MAML2: variants seen among roughly 807,000 people sequenced by gnomAD.
The protein encoded by MAML2 is mastermind like transcriptional coactivator 2.
A neutral mutation model predicts 96.1 loss-of-function variants in MAML2; 22 were observed. The observed-to-expected ratio is 0.23, with a 90% CI of 0.16 to 0.33. The LOEUF is 0.33. MAML2 is among the 10% of genes least tolerant of loss of function. MAML2 has a pLI of 1.00. For missense variants in MAML2, 1,367 were observed against 1,392.4 expected, an observed-to-expected ratio of 0.98 and a Z score of 0.29; for synonymous variants, 561 against 521.3, an observed-to-expected ratio of 1.08 and a Z score of -1.04.
chr11:96,102,699 G>C (rs1320938236), intron 1 of MAML2, among the ~76,000 whole-genome samples: 1 of 152,118 alleles, frequency 6.6e-6, no homozygotes, highest in Non-Finnish European at 1.5e-5. Flanking sequence ...ATAACCAATA[G>C]GATGACCCTA....
chr11:96,153,911 CAATA>C lies in MAML2; in HGVS notation c.514-60398_514-60395del, dbSNP rs59318960. Among the ~76,000 whole-genome samples, 209 of 138,034 alleles carry C rather than the reference CAATA, an allele frequency of 1.5e-3. 1 individual carries two copies. Among genetic ancestry groups the C allele is most frequent in the Middle Eastern group, 7.8e-3 (2 of 258 alleles). The allele number at this position is 138,034 out of a possible 152,430, so 90.6% of individuals were successfully genotyped here. ...TGGACAACAGAGCAAGACTCCGTCT[CAATA>C]AATAAATAAATAAATAAATAAATAA... On this transcript the variant is annotated intron_variant, in intron 1 of 4. Coordinates refer to ENST00000524717, the MANE Select transcript of MAML2 (RefSeq NM_032427.4).
At chr11:96,157,889 A>G (rs1861037627) in intron 1 of MAML2, among the ~76,000 whole-genome samples, 1 of 152,168 alleles carries the variant, frequency 6.6e-6, no homozygotes, top group African/African-American at 2.4e-5. Context: ...TGATAATTTA[A>G]GATTACATTT....
rs536318499 is a variant in MAML2 at position 96,112,159 on chromosome 11, A to G, written c.514-18642T>C. 2.0e-5 allele frequency among the ~76,000 whole-genome samples: 3 copies of G among 152,370 alleles called. No individual in the cohort carries two copies. In the South Asian group the frequency reaches 6.2e-4, roughly 32 times the overall value. On this transcript the variant is annotated intron_variant, in intron 1 of 4. Transcript: ENST00000524717. ...AACAGAAGCATCAGTGGATGCTTCC[A>G]TCGGATAGGGCACTCTATACATAAC...
intron 2 of MAML2, among the ~76,000 whole-genome samples, chr11:96,002,278 T>C (rs867471242): frequency 1.6e-4 from 24 of 152,208 alleles, no homozygotes; most frequent in Middle Eastern, 3.4e-3. Flanking sequence ...GAAGAAGCAA[T>C]GTGAAGGAAA....
At chr11:96,120,595 A>G (rs1257418770) in intron 1 of MAML2, among the ~76,000 whole-genome samples, 2 of 152,212 alleles carry the variant, frequency 1.3e-5, no homozygotes, top group African/African-American at 4.8e-5. Context: ...GCTTTTGGAT[A>G]ATTATATCAT....
At chr11:96,177,695 C>T (rs1186793007) in intron 1 of MAML2, among the ~76,000 whole-genome samples, 3 of 152,144 alleles carry the variant, frequency 2.0e-5, no homozygotes, top group Non-Finnish European at 4.4e-5. Flanking sequence ...CTGACCTAAA[C>T]ATTTGTCCTG....
At chr11:96,139,674 C>T (rs1292658189) in intron 1 of MAML2, among the ~76,000 whole-genome samples, 3 of 151,966 alleles carry the variant, frequency 2.0e-5, no homozygotes, top group Non-Finnish European at 2.9e-5. Context: ...ACCTCTGGGG[C>T]TACCTCTCCC....
In MAML2 at chr11:96,212,115, G is replaced by GTT. The variant is rs1861980663; in HGVS notation, c.514-118599_514-118598insAA. ...GCTATAAAAGGAAGACAAAGTGTGTGTGTGTGTGTGTGTGTGTGTGTGTGT... is the reference window on the plus strand; with the variant it reads ...GCTATAAAAGGAAGACAAAGTGTGTGTTTGTGTGTGTGTGTGTGTGTGTGTGT... On this transcript the variant is annotated intron_variant, in intron 1 of 4. Transcript: ENST00000524717. Among the ~76,000 whole-genome samples, 3 of 72,634 alleles carry GTT rather than the reference G, an allele frequency of 4.1e-5. No individual in the cohort carries two copies. In the South Asian group the frequency reaches 1.3e-3, roughly 31 times the overall value. The allele number at this position is 72,634 out of a possible 152,430, so 47.7% of individuals were successfully genotyped here.
intron 1 of MAML2, among the ~76,000 whole-genome samples, chr11:96,161,343 G>C (rs1861100366): frequency 6.6e-6 from 1 of 152,190 alleles, no homozygotes; most frequent in Non-Finnish European, 1.5e-5. Context: ...TTTTCTATTT[G>C]TATGTCTATT....
At chr11:96,025,400 G>A (rs1858500250) in intron 2 of MAML2, among the ~76,000 whole-genome samples, 1 of 152,082 alleles carries the variant, frequency 6.6e-6, no homozygotes, top group Non-Finnish European at 1.5e-5. Flanking sequence ...GACTACTGGG[G>A]GAGGGGGGAG....
intron 1 of MAML2, among the ~76,000 whole-genome samples, chr11:96,321,187 C>T (rs1263890441): frequency 6.6e-6 from 1 of 152,232 alleles, no homozygotes; most frequent in Non-Finnish European, 1.5e-5. Context: ...TAGCCAACCT[C>T]TGAGCACAGT....
intron 1 of MAML2, among the ~76,000 whole-genome samples, chr11:96,336,484 G>A (rs1280892299): frequency 6.6e-6 from 1 of 152,196 alleles, no homozygotes; most frequent in Non-Finnish European, 1.5e-5. Context: ...CTCCCAGGAA[G>A]CCTGCTGGAG....
intron 1 of MAML2, among the ~76,000 whole-genome samples, chr11:96,107,440 A>G (rs1860042601): frequency 6.6e-6 from 1 of 152,222 alleles, no homozygotes; most frequent in South Asian, 2.1e-4. Context: ...AAATGTGACC[A>G]ATAATAAATG....
At chr11:96,263,316 A>T (rs908677542) in intron 1 of MAML2, among the ~76,000 whole-genome samples, 2 of 152,250 alleles carry the variant, frequency 1.3e-5, no homozygotes, top group African/African-American at 2.4e-5. Context: ...ATTGTTTGCC[A>T]ATGTTTCAAA....
At chr11:96,193,636 A>C (rs1178339157) in intron 1 of MAML2, among the ~76,000 whole-genome samples, 2 of 152,236 alleles carry the variant, frequency 1.3e-5, no homozygotes, top group Non-Finnish European at 2.9e-5. Context: ...AATCAGCAAT[A>C]TATTTACCAA....
intron 1 of MAML2, among the ~76,000 whole-genome samples, chr11:96,308,339 G>T (rs1401675946): frequency 1.3e-5 from 2 of 152,232 alleles, no homozygotes; most frequent in African/African-American, 4.8e-5. Context: ...TATAACTGAA[G>T]CATCTCTAAC....
chr11:96,217,768 A>G (rs1284198676), intron 1 of MAML2, among the ~76,000 whole-genome samples: 1 of 152,260 alleles, frequency 6.6e-6, no homozygotes, highest in Non-Finnish European at 1.5e-5. Context: ...AGATTTTACT[A>G]TGTAGCCACT....
intron 2 of MAML2, among the ~76,000 whole-genome samples, chr11:96,037,104 G>A (rs552245389): frequency 6.6e-6 from 1 of 152,138 alleles, no homozygotes; most frequent in African/African-American, 2.4e-5. Flanking sequence ...CCAGTCACCA[G>A]ATGCATTCTG....
chr11:96,064,943 G>A (rs551077256), intron 2 of MAML2, among the ~76,000 whole-genome samples: 25 of 152,238 alleles, frequency 1.6e-4, no homozygotes, highest in Admixed American at 3.3e-4. Flanking sequence ...AACTCTAAGT[G>A]TAGAATAAAA....
Sources: allele counts gnomAD v4.1 joint callset (sites outside exome capture counted in the v4.1 genomes callset), GRCh38; gene constraint gnomAD v4.1.1; transcripts MANE v1.5; gene names NCBI Gene and HGNC (gene_info 2026-07-23, HGNC 2026-07-21).